ATXN7L1: variants seen among roughly 807,000 people sequenced by gnomAD.
The protein encoded by ATXN7L1 is ataxin-7-like protein 1.
ATXN7L1 carries 15 observed loss-of-function variants against 70.8 expected under a neutral mutation model. The observed-to-expected ratio is 0.21, with a 90% CI of 0.14 to 0.33. ATXN7L1 has a LOEUF of 0.33. Among genes scored for constraint, ATXN7L1 ranks in the 10% least tolerant of loss-of-function variants. The pLI is 1.00. For synonymous variants in ATXN7L1, 440 were observed against 445.1 expected (o/e 0.99, Z 0.14); for missense variants, 975 against 1,097.1 (o/e 0.89, Z 1.57).
chr7:105,761,305 G>A, intron 3 of ATXN7L1: 2 of 1,604,226 alleles, frequency 1.2e-6, no homozygotes. Flanking sequence ...CCTCTTCCAG[G>A]AAGCCGTCTC....
chr7:105,707,552 A>G (rs1442830860), intron 3 of ATXN7L1, among the ~76,000 whole-genome samples: 2 of 152,164 alleles, frequency 1.3e-5, no homozygotes, highest in South Asian at 2.1e-4. Flanking sequence ...AAGCCAAGAA[A>G]GTCATCGATT....
intron 3 of ATXN7L1, among the ~76,000 whole-genome samples, chr7:105,687,754 G>A (rs938735063): frequency 1.3e-5 from 2 of 152,128 alleles, no homozygotes; most frequent in East Asian, 1.9e-4. Flanking sequence ...GGTGCAGCTC[G>A]GATGCATCCT....
At chr7:105,647,763 G>C (rs1318266127) in intron 4 of ATXN7L1, among the ~76,000 whole-genome samples, 1 of 152,184 alleles carries the variant, frequency 6.6e-6, no homozygotes, top group East Asian at 1.9e-4. Flanking sequence ...GCAGCCCCAC[G>C]AGCACAGGTG....
intron 2 of ATXN7L1, among the ~76,000 whole-genome samples, chr7:105,796,903 A>G (rs950033823): frequency 2.0e-5 from 3 of 152,200 alleles, no homozygotes; most frequent in African/African-American, 7.2e-5. Context: ...AAATGACCTC[A>G]GACTCGACAT....
chr7:105,852,275 T>G (rs921918166), intron 2 of ATXN7L1, among the ~76,000 whole-genome samples: 2 of 152,298 alleles, frequency 1.3e-5, no homozygotes, highest in Admixed American at 6.5e-5. Context: ...TGCTCTGTAA[T>G]TGCACAAGGT....
chr7:105,817,837 A>C (rs180829165), intron 2 of ATXN7L1, among the ~76,000 whole-genome samples: 1 of 152,316 alleles, frequency 6.6e-6, no homozygotes, highest in East Asian at 1.9e-4. Flanking sequence ...GAGGTGGAAG[A>C]ATTGCTTGAG....
intron 5 of ATXN7L1, among the ~76,000 whole-genome samples, chr7:105,641,168 C>G (rs143862002): frequency 6.9e-6 from 1 of 144,674 alleles, no homozygotes; most frequent in Non-Finnish European, 1.5e-5. Context: ...AATGCCTCCC[C>G]CCTTTTTTTG....
At chr7:105,864,645 T>C (rs1817143358) in intron 2 of ATXN7L1, among the ~76,000 whole-genome samples, 1 of 151,572 alleles carries the variant, frequency 6.6e-6, no homozygotes, top group African/African-American at 2.4e-5. Flanking sequence ...TTTTTTTTCT[T>C]TTTTTTGAGA....
At chr7:105,675,116 A>G (rs1351485263) in intron 3 of ATXN7L1, among the ~76,000 whole-genome samples, 1 of 151,894 alleles carries the variant, frequency 6.6e-6, no homozygotes, top group Non-Finnish European at 1.5e-5. Flanking sequence ...CCAAAGGGAA[A>G]AAAAAAGTTC....
chr7:105,740,786 A>ATTTTTTTTTTTTTTTTTTTTTTTTTTTGT (rs1481143764), intron 3 of ATXN7L1, among the ~76,000 whole-genome samples: 1 of 40,688 alleles, frequency 2.5e-5, no homozygotes, highest in African/African-American at 2.6e-4. Context: ...TTTTTTTTTA[A>ATTTTTTTTTTTTTTTTTTTTTTTTTTTGT]TGGAGTCTCA....
intron 7 of ATXN7L1, among the ~76,000 whole-genome samples, chr7:105,630,614 C>T (rs1394278999): frequency 6.6e-6 from 1 of 151,966 alleles, no homozygotes; most frequent in African/African-American, 2.4e-5. Context: ...CCCAGCTACT[C>T]GGGAGGCTAA....
chr7:105,788,406 G>C (rs1804636629), intron 3 of ATXN7L1, 198 bp downstream of exon 3: 1 of 567,372 alleles, frequency 1.8e-6, no homozygotes, highest in African/African-American at 1.9e-5. Flanking sequence ...CATTTGTTCT[G>C]ACAGGACTGC....
chr7:105,847,580 T>C (rs962492116), intron 2 of ATXN7L1, among the ~76,000 whole-genome samples: 1 of 152,142 alleles, frequency 6.6e-6, no homozygotes, highest in Non-Finnish European at 1.5e-5. Flanking sequence ...GTAAAACTAT[T>C]GTTTACCCCA....
chr7:105,625,474 C>T (rs977324835), intron 7 of ATXN7L1, among the ~76,000 whole-genome samples: 27 of 152,158 alleles, frequency 1.8e-4, no homozygotes, highest in African/African-American at 5.6e-4. Context: ...TGGTCTTGAA[C>T]TCCTGACCTC....
Position 105,624,203 on chromosome 7 carries a change from G to A in ATXN7L1, c.1267C>T (p.Pro423Ser). 2 of 1,522,006 alleles carry A rather than the reference G, an allele frequency of 1.3e-6. No homozygotes were observed. Among genetic ancestry groups the A allele is most frequent in the Non-Finnish European group, 1.8e-6 (2 of 1,130,532 alleles). 94.3% of individuals were successfully genotyped at this position (1,522,006 alleles called of 1,614,324 possible). ...SSNHSGHTPE[P>S]PLPPVGGDLA... is the part of the protein sequence containing the mutation. ...TCACCTCCAACCGGTGGGAGTGGGG[G>A]CTCTGGAGTGTGGCCGCTATGATTT... The change falls in exon 8 of 12, where the codon CCC becomes TCC. Residue 423 changes from proline (P) to serine (S), a missense_variant. Physicochemically the swap from Pro to Ser is moderately conservative, Grantham distance 74. Coordinates refer to ENST00000419735, the MANE Select transcript of ATXN7L1 (RefSeq NM_020725.2).
rs563064105 is a variant in ATXN7L1, at chr7:105,851,877, G to A, written c.250+23935C>T. ...TCACAGGGCACAAGTGAAGAATCACGATTCTGTTTCCCTCTTGCACCCTCT... is the reference window on the plus strand; with the variant it reads ...TCACAGGGCACAAGTGAAGAATCACAATTCTGTTTCCCTCTTGCACCCTCT... On this transcript the variant is annotated intron_variant, in intron 2 of 11. Coordinates refer to ENST00000419735, the MANE Select transcript of ATXN7L1 (RefSeq NM_020725.2). Among the ~76,000 whole-genome samples the A allele has an allele frequency of 2.0e-5, 3 of 152,290 alleles. No individual in the cohort carries two copies. In the South Asian group the frequency reaches 6.2e-4, roughly 32 times the overall value.
intron 3 of ATXN7L1, among the ~76,000 whole-genome samples, chr7:105,754,974 T>A (rs1314993203): frequency 2.6e-5 from 4 of 152,174 alleles, no homozygotes; most frequent in Non-Finnish European, 5.9e-5. Context: ...GGGACAGACA[T>A]AAATGTTGTG....
chr7:105,682,315 G>A (rs1423129832), intron 3 of ATXN7L1, among the ~76,000 whole-genome samples: 1 of 152,164 alleles, frequency 6.6e-6, no homozygotes, highest in Admixed American at 6.6e-5. Flanking sequence ...AGAACTGTAC[G>A]TTAAAAATTA....
chr7:105,758,424 GTGAACCTTGCTCCCAGCCCGGCTC>G (rs1156656956), intron 3 of ATXN7L1, among the ~76,000 whole-genome samples: 1 of 152,250 alleles, frequency 6.6e-6, no homozygotes, highest in Non-Finnish European at 1.5e-5. Context: ...TGGCTGAGCA[GTGAACCTTGCTCCCAGCCCGGCTC>G]TGAACCATCA....
Sources: gnomAD v4.1 joint callset for allele counts (sites outside exome capture counted in the v4.1 genomes callset) on GRCh38, gnomAD v4.1.1 for gene constraint, MANE v1.5 for transcripts, NCBI Gene and HGNC (gene_info 2026-07-23, HGNC 2026-07-21) for gene names.